The following LRRC4C variants were observed in gnomAD, a reference collection of about 807,000 sequenced individuals.
LRRC4C encodes leucine rich repeat containing 4C, also known as leucine-rich repeat-containing protein 4C.
A neutral mutation model predicts 33.6 loss-of-function variants in LRRC4C; 5 were observed. That is an observed-to-expected ratio of 0.15 (90% CI 0.08 to 0.31). The LOEUF is 0.31. Ranked by LOEUF, LRRC4C falls within the 10% of genes least tolerant of loss-of-function variation. LRRC4C has a pLI of 1.00. For missense variants in LRRC4C, 560 were observed against 796.7 expected, an observed-to-expected ratio of 0.70 and a Z score of 3.58; for synonymous variants, 329 against 302.0, an observed-to-expected ratio of 1.09 and a Z score of -0.93.
chr11:41,298,296 T>A (rs1950196087), intron 1 of LRRC4C, among the ~76,000 whole-genome samples: 1 of 152,274 alleles, frequency 6.6e-6, no homozygotes, highest in East Asian at 1.9e-4. Context: ...GTCTCTCTCC[T>A]AGCAAGGCCT....
At chr11:40,124,281 A>T (rs1449856187) in intron 6 of LRRC4C, among the ~76,000 whole-genome samples, 1 of 152,208 alleles carries the variant, frequency 6.6e-6, no homozygotes, top group Admixed American at 6.5e-5. Context: ...ACTATAATAT[A>T]ATCCAGCAGT....
At chr11:40,175,783 C>T (rs1238756299) in intron 5 of LRRC4C, among the ~76,000 whole-genome samples, 8 of 152,188 alleles carry the variant, frequency 5.3e-5, no homozygotes, top group Non-Finnish European at 1.5e-5. Flanking sequence ...TGATTATATA[C>T]CGTCTTCTGC....
At chr11:41,172,330 G>GA (rs201901843) in intron 1 of LRRC4C, among the ~76,000 whole-genome samples, 1,971 of 149,848 alleles carry the variant, frequency 0.013, 53 homozygotes, top group African/African-American at 0.046. Flanking sequence ...ATATTGTTCT[G>GA]CATTTGCTTT....
At chr11:40,464,781 A>G (rs2138221802) in intron 3 of LRRC4C, among the ~76,000 whole-genome samples, 1 of 152,106 alleles carries the variant, frequency 6.6e-6, no homozygotes. Context: ...CCACAGAGAA[A>G]AACTACAAAA....
intron 1 of LRRC4C, among the ~76,000 whole-genome samples, chr11:41,151,450 G>T (rs1828921538): frequency 6.6e-6 from 1 of 152,188 alleles, no homozygotes. Context: ...GAAGGGAATA[G>T]AATACTTAGT....
chr11:40,244,627 G>C (rs1378894525), intron 4 of LRRC4C, among the ~76,000 whole-genome samples: 2 of 151,986 alleles, frequency 1.3e-5, no homozygotes, highest in Non-Finnish European at 2.9e-5. Flanking sequence ...TACGTGGTAG[G>C]GTAATTGCTG....
chr11:40,630,383 CTTCTTCTTT>C (rs1963378563), intron 3 of LRRC4C, among the ~76,000 whole-genome samples: 1 of 120,784 alleles, frequency 8.3e-6, no homozygotes, highest in African/African-American at 3.0e-5. Context: ...TCTTCTTCTT[CTTCTTCTTT>C]TCTTCCTCTT....
intron 1 of LRRC4C, among the ~76,000 whole-genome samples, chr11:41,301,837 G>A (rs1950298020): frequency 6.6e-6 from 1 of 152,176 alleles, no homozygotes; most frequent in Middle Eastern, 3.4e-3. Flanking sequence ...AGATAAGAAC[G>A]ATAAACTGCC....
At chr11:40,758,706 G>A (rs1177662353) in intron 2 of LRRC4C, among the ~76,000 whole-genome samples, 1 of 152,020 alleles carries the variant, frequency 6.6e-6, no homozygotes, top group Non-Finnish European at 1.5e-5. Context: ...GGAAGGTTGA[G>A]ATGCAGGGAG....
chr11:40,523,293 AT>A (rs994538057), intron 3 of LRRC4C, among the ~76,000 whole-genome samples: 12 of 151,922 alleles, frequency 7.9e-5, no homozygotes, highest in African/African-American at 1.9e-4. Context: ...GGTGTTGAGC[AT>A]TTTTTTGTAT....
At chr11:41,141,465 AT>A (rs1442963090) in intron 1 of LRRC4C, among the ~76,000 whole-genome samples, 1 of 152,128 alleles carries the variant, frequency 6.6e-6, no homozygotes, top group Non-Finnish European at 1.5e-5. Context: ...AATAACACCA[AT>A]TTTAATTTAA....
chr11:41,190,765 A>G (rs2136209139), intron 1 of LRRC4C, among the ~76,000 whole-genome samples: 1 of 152,354 alleles, frequency 6.6e-6, no homozygotes, highest in South Asian at 2.1e-4. Flanking sequence ...ATTTTCAAAC[A>G]TGCTGTATCT....
At chr11:40,661,096 A>T (rs978861970) in intron 2 of LRRC4C, among the ~76,000 whole-genome samples, 3 of 152,202 alleles carry the variant, frequency 2.0e-5, no homozygotes, top group African/African-American at 7.2e-5. Flanking sequence ...TAGAATTACC[A>T]TGACAATATC....
chr11:41,082,731 G>A (rs184859492), intron 1 of LRRC4C, among the ~76,000 whole-genome samples: 4 of 152,150 alleles, frequency 2.6e-5, no homozygotes, highest in African/African-American at 9.6e-5. Context: ...TTTATCCTTT[G>A]TGCTACATTT....
intron 2 of LRRC4C, among the ~76,000 whole-genome samples, chr11:40,884,259 A>G (rs1225195111): frequency 6.6e-6 from 1 of 151,940 alleles, no homozygotes; most frequent in Non-Finnish European, 1.5e-5. Flanking sequence ...TTTTTTATGG[A>G]CGCATAGTAT....
chr11:41,287,226 A>T (rs924431945), intron 1 of LRRC4C, among the ~76,000 whole-genome samples: 1 of 152,206 alleles, frequency 6.6e-6, no homozygotes. Flanking sequence ...TAAGTTTGTC[A>T]TGATCTGGTT....
chr11:40,886,078 T>C (rs1955438910), intron 2 of LRRC4C, among the ~76,000 whole-genome samples: 1 of 152,092 alleles, frequency 6.6e-6, no homozygotes, highest in African/African-American at 2.4e-5. Context: ...TTCTGTAAAC[T>C]TGGATATTAT....
intron 1 of LRRC4C, among the ~76,000 whole-genome samples, chr11:41,376,668 A>T (rs1475949659): frequency 6.6e-6 from 1 of 152,210 alleles, no homozygotes; most frequent in Non-Finnish European, 1.5e-5. Flanking sequence ...TTTAAGATGT[A>T]GATACTGAAC....
intron 6 of LRRC4C, among the ~76,000 whole-genome samples, chr11:40,136,799 T>A (rs1459473980): frequency 1.4e-4 from 22 of 152,226 alleles, no homozygotes; most frequent in Admixed American, 1.4e-3. Flanking sequence ...AGGGCTTGCC[T>A]GTAGCACCAT....
Sources: allele counts gnomAD v4.1 joint callset (sites outside exome capture counted in the v4.1 genomes callset), GRCh38; gene constraint gnomAD v4.1.1; transcripts MANE v1.5; gene names NCBI Gene and HGNC (gene_info 2026-07-23, HGNC 2026-07-21).